Variants in STX2 observed in about 807,000 individuals in gnomAD.
The protein encoded by STX2 is syntaxin 2.
In STX2, 27 loss-of-function variants were observed where a neutral mutation model predicts 40.6. That is an observed-to-expected ratio of 0.66 (90% CI 0.49 to 0.92). The LOEUF is 0.92. STX2 is among the 40% of genes least tolerant of loss of function. STX2 has a pLI of 0.00. For synonymous variants in STX2, 123 were observed against 119.1 expected (o/e 1.03, Z -0.22); for missense variants, 328 against 366.1 (o/e 0.90, Z 0.85).
chr12:130,809,748 C>G (rs191684689), intron 4 of STX2, among the ~76,000 whole-genome samples: 194 of 152,196 alleles, frequency 1.3e-3, no homozygotes, highest in Middle Eastern at 0.01. Context: ...ACTCAGGAGG[C>G]GGAGGTTGCA....
intron 2 of STX2, among the ~76,000 whole-genome samples, chr12:130,824,413 A>C (rs1387317562): frequency 1.3e-5 from 2 of 152,194 alleles, no homozygotes; most frequent in African/African-American, 4.8e-5. Context: ...TACCATTTCT[A>C]AAGTAATACA....
Position 130,791,895 on chromosome 12 carries a change from G to C in STX2, c.*128C>G. On this transcript the variant is annotated 3_prime_UTR_variant, in exon 11 of 11. Coordinates refer to ENST00000392373, the MANE Select transcript of STX2 (RefSeq NM_194356.4). ...CAAGGATAAATGGCTCTTGGGATAT[G>C]GTTGCTAGGACAATGTTGTTGCTAG... is the stretch of plus-strand genomic sequence containing the variant. The C allele has an allele frequency of 6.2e-7, 1 of 1,610,450 alleles. No homozygotes were observed. Among genetic ancestry groups the C allele is most frequent in the Non-Finnish European group, 8.5e-7 (1 of 1,177,494 alleles).
rs758860570 is a variant in STX2, at chr12:130,821,738, T to G, written c.156A>C (p.Glu52Asp). ...SIDKITQYVE[E>D]VKKNHSIILS... Reference sequence around the variant, plus strand: ...GAATGATGCTGTGGTTTTTCTTTACTTCTTCAACATATTGAGTTATTTTAT... The same window carrying G: ...GAATGATGCTGTGGTTTTTCTTTACGTCTTCAACATATTGAGTTATTTTAT... Residue 52 changes from glutamate to aspartate, a missense_variant, in exon 3 of 11, where the codon GAA (glutamate) becomes GAC (aspartate). Coordinates refer to ENST00000392373, the MANE Select transcript of STX2 (RefSeq NM_194356.4). 5 of 1,613,818 alleles carry G rather than the reference T, an allele frequency of 3.1e-6. No homozygotes were observed. Among genetic ancestry groups the G allele is most frequent in the Non-Finnish European group, 2.5e-6 (3 of 1,179,664 alleles).
intron 6 of STX2, among the ~76,000 whole-genome samples, chr12:130,803,041 A>T (rs927783433): frequency 6.6e-6 from 1 of 152,256 alleles, no homozygotes; most frequent in Non-Finnish European, 1.5e-5. Context: ...AATACACCAA[A>T]AACCACTGAA....
chr12:130,811,573 T>C (rs1417776733), intron 4 of STX2, among the ~76,000 whole-genome samples: 1 of 130,160 alleles, frequency 7.7e-6, no homozygotes, highest in African/African-American at 3.0e-5. Flanking sequence ...GGAATCTTGC[T>C]CTGTCGCCCA....
At chr12:130,821,288 C>T (rs956780961) in intron 3 of STX2, among the ~76,000 whole-genome samples, 3 of 152,250 alleles carry the variant, frequency 2.0e-5, no homozygotes. Context: ...TCAGAGTCGC[C>T]TCAGTGCGTC....
chr12:130,798,155 G>A (rs1951091047), intron 9 of STX2, among the ~76,000 whole-genome samples: 2 of 151,726 alleles, frequency 1.3e-5, no homozygotes, highest in African/African-American at 4.8e-5. Context: ...ACTGAGGCAG[G>A]AGAATCACTT....
At chr12:130,809,659 A>G (rs1471351919) in intron 4 of STX2, among the ~76,000 whole-genome samples, 1 of 152,144 alleles carries the variant, frequency 6.6e-6, no homozygotes, top group Non-Finnish European at 1.5e-5. Context: ...TCTACTACAA[A>G]TACAAAAATT....
intron 1 of STX2, among the ~76,000 whole-genome samples, chr12:130,829,253 G>A (rs1952461293): frequency 1.3e-5 from 2 of 152,120 alleles, no homozygotes; most frequent in Admixed American, 1.3e-4. Flanking sequence ...TTACCATGTT[G>A]ACCCTCTTAA....
rs952352365 is a variant in STX2 at position 130,839,162 on chromosome 12, C to T, written c.-63G>A. 1 of 1,150,104 alleles carries T rather than the reference C, an allele frequency of 8.7e-7. No homozygotes were observed. The highest frequency in any genetic ancestry group is 1.1e-6 in the Non-Finnish European group (1 of 934,520). The allele number at this position is 1,150,104 out of a possible 1,614,324, so 71.2% of individuals were successfully genotyped here. On this transcript the variant is annotated 5_prime_UTR_variant, in exon 1 of 11. Coordinates refer to ENST00000392373, the MANE Select transcript of STX2 (RefSeq NM_194356.4). ...TGTCCCGAGCTGCCTCCGGCCGGGC[C>T]TCGGGCTCTCCGGTCTCCGCCTCAG...
At chr12:130,802,911 C>T (rs1951286199) in intron 6 of STX2, among the ~76,000 whole-genome samples, 1 of 152,124 alleles carries the variant, frequency 6.6e-6, no homozygotes, top group Non-Finnish European at 1.5e-5. Context: ...GGAAAATGTA[C>T]AGGAGTAAAA....
chr12:130,832,042 T>C (rs1014126709), intron 1 of STX2, among the ~76,000 whole-genome samples: 3 of 152,116 alleles, frequency 2.0e-5, no homozygotes, highest in Non-Finnish European at 4.4e-5. Context: ...AGATGAGGTC[T>C]GGCCATGTGG....
intron 2 of STX2, among the ~76,000 whole-genome samples, chr12:130,825,808 C>T (rs1952279276): frequency 6.6e-6 from 1 of 152,148 alleles, no homozygotes; most frequent in South Asian, 2.1e-4. Context: ...TGAGACTCAG[C>T]ATAATCAAGA....
At chr12:130,814,680 A>C (rs1593156013) in intron 3 of STX2, among the ~76,000 whole-genome samples, 1 of 122,496 alleles carries the variant, frequency 8.2e-6, no homozygotes, top group African/African-American at 3.2e-5. Flanking sequence ...CTTGTCACCC[A>C]GGCTGGAGTG....
rs879059651 is a variant in STX2, at chr12:130,791,525, CAAA to C, written c.*495_*497del. 4.6e-4 allele frequency: 33 copies of C among 72,392 alleles called. No homozygotes were observed. Among genetic ancestry groups the C allele is most frequent in the South Asian group, 1.8e-3 (4 of 2,212 alleles). 4.5% of individuals were successfully genotyped at this position (72,392 alleles called of 1,614,324 possible). On this transcript the variant is annotated 3_prime_UTR_variant, in exon 11 of 11. Coordinates refer to ENST00000392373, the MANE Select transcript of STX2 (RefSeq NM_194356.4). ...TGGATGACAAAGCGAGACTCCGTCT[CAAA>C]AAAAAAAAAAAAAGCCTTCATAACA...
intron 3 of STX2, among the ~76,000 whole-genome samples, chr12:130,814,026 C>T (rs1217741773): frequency 3.3e-5 from 5 of 152,312 alleles, no homozygotes; most frequent in East Asian, 3.9e-4. Flanking sequence ...GCTGAGCATA[C>T]GCAGGGTGCC....
intron 1 of STX2, among the ~76,000 whole-genome samples, chr12:130,831,448 T>C (rs906290979): frequency 2.0e-5 from 3 of 152,192 alleles, no homozygotes; most frequent in Non-Finnish European, 2.9e-5. Flanking sequence ...GAGGATCACT[T>C]AAGCTCCAGA....
intron 3 of STX2, among the ~76,000 whole-genome samples, chr12:130,814,987 T>C (rs537789366): frequency 2.2e-4 from 33 of 152,304 alleles, no homozygotes; most frequent in African/African-American, 7.9e-4. Context: ...TAGTCCCAGC[T>C]ACTTCAGAGG....
intron 2 of STX2, among the ~76,000 whole-genome samples, chr12:130,825,782 G>C (rs1952278131): frequency 6.6e-6 from 1 of 152,142 alleles, no homozygotes; most frequent in Admixed American, 6.5e-5. Context: ...TGAGGCTGCT[G>C]AGTGAAACTA....
Sources: gnomAD v4.1 joint callset for allele counts (sites outside exome capture counted in the v4.1 genomes callset) on GRCh38, gnomAD v4.1.1 for gene constraint, MANE v1.5 for transcripts, NCBI Gene and HGNC (gene_info 2026-07-23, HGNC 2026-07-21) for gene names.